The following PHLPP2 variants were observed in gnomAD, a reference collection of about 807,000 sequenced individuals.
PHLPP2 encodes the protein PH domain and leucine rich repeat protein phosphatase 2, also known as PH domain leucine-rich repeat-containing protein phosphatase 2.
A neutral mutation model predicts 124.9 loss-of-function variants in PHLPP2; 66 were observed. The ratio of observed to expected loss-of-function variants is 0.53; its 90% CI spans 0.43 to 0.65. The LOEUF is 0.65. Ranked by LOEUF, PHLPP2 falls within the 30% of genes least tolerant of loss-of-function variation. The pLI, the probability that PHLPP2 is intolerant of heterozygous loss-of-function variation, is 0.00. For synonymous variants in PHLPP2, 681 were observed against 624.7 expected (o/e 1.09, Z -1.34); for missense variants, 1,685 against 1,600.4 (o/e 1.05, Z -0.90).
chr16:71,650,371 A>G (rs917991302), intron 18 of PHLPP2, among the ~76,000 whole-genome samples: 14 of 152,250 alleles, frequency 9.2e-5, no homozygotes, highest in African/African-American at 3.4e-4. Flanking sequence ...CAGAACTATC[A>G]TTAATTCTCT....
At chr16:71,704,993 T>C (rs1488241206) in intron 2 of PHLPP2, among the ~76,000 whole-genome samples, 1 of 152,192 alleles carries the variant, frequency 6.6e-6, no homozygotes, top group Non-Finnish European at 1.5e-5. Context: ...AACTCTGTAC[T>C]GCTCCAAAGA....
At position 71,678,783 on chromosome 16, in the gene PHLPP2, T is replaced by C. The variant is rs1269453395; in HGVS notation, c.1240A>G (p.Met414Val). 1.2e-6 allele frequency: 2 copies of C among 1,602,156 alleles called. No homozygotes were observed. The highest frequency in any genetic ancestry group is 2.7e-5 in the African/African-American group (2 of 74,692). The stretch of plus-strand genomic sequence containing the variant: ...AAATCCACATGCTTGATATGGTTCA[T>C]CCTATTCAGCACCCCTAAGTTCAGG... ...EVLNLGVLNRMNHIKHVDLRM... is the reference protein window; with the variant it reads ...EVLNLGVLNRVNHIKHVDLRM... The change falls in exon 8 of 19, where the codon ATG becomes GTG. Residue 414 changes from methionine to valine, a missense_variant. By Grantham distance (21) the Met-to-Val change is conservative. Transcript: ENST00000568954.
chr16:71,664,232 A>T, intron 12 of PHLPP2, 133 bp from the exon 13 acceptor site: 1 of 663,176 alleles, frequency 1.5e-6, no homozygotes, highest in South Asian at 1.9e-5. Flanking sequence ...AAAAATCTCC[A>T]CGTAGTTTTT....
intron 3 of PHLPP2, 68 bp from the exon 4 acceptor site, chr16:71,690,777 A>G: frequency 9.0e-7 from 1 of 1,108,010 alleles, no homozygotes; most frequent in Non-Finnish European, 1.3e-6. Context: ...TGGAAAAAGA[A>G]AGCATTGTGT....
intron 2 of PHLPP2, among the ~76,000 whole-genome samples, chr16:71,711,503 A>G (rs965384851): frequency 3.3e-5 from 5 of 152,222 alleles, no homozygotes; most frequent in East Asian, 3.8e-4. Context: ...CAGACGTAGT[A>G]TAAGAATGCC....
chr16:71,706,356 C>T (rs1457585797), intron 2 of PHLPP2, among the ~76,000 whole-genome samples: 1 of 152,190 alleles, frequency 6.6e-6, no homozygotes, highest in Admixed American at 6.5e-5. Flanking sequence ...TAAGCAGTCC[C>T]TATAGTTAAG....
intron 1 of PHLPP2, chr16:71,715,082 T>G (rs2145384596): frequency 2.4e-6 from 1 of 413,852 alleles, no homozygotes; most frequent in African/African-American, 2.0e-5. Flanking sequence ...CGGGTTGCAG[T>G]GGCTCAGGCC....
intron 16 of PHLPP2, 69 bp from the exon 17 acceptor site, chr16:71,655,503 CT>C (rs1224203746): frequency 0.2 from 158,121 of 771,790 alleles, no homozygotes; most frequent in South Asian, 0.25. Context: ...AGGGAGCATT[CT>C]TTTTTTTTTT....
intron 14 of PHLPP2, 83 bp downstream of exon 14, chr16:71,658,570 T>C (rs2044761106): frequency 7.0e-7 from 1 of 1,419,132 alleles, no homozygotes; most frequent in African/African-American, 1.4e-5. Context: ...ACTCCTTTCT[T>C]CTTCTTTATA....
chr16:71,677,480 A>C (rs2044957684), intron 8 of PHLPP2: 1 of 93,144 alleles, frequency 1.1e-5, no homozygotes, highest in South Asian at 4.0e-4. Flanking sequence ...ATATATATAT[A>C]TATATATATA....
chr16:71,680,242 A>T (rs1378925329), intron 6 of PHLPP2, among the ~76,000 whole-genome samples: 4 of 152,164 alleles, frequency 2.6e-5, no homozygotes, highest in African/African-American at 9.7e-5. Flanking sequence ...CAACTCATAG[A>T]CAGAGCAATA....
chr16:71,660,236 T>C (rs1019765286), intron 13 of PHLPP2, among the ~76,000 whole-genome samples: 15 of 151,686 alleles, frequency 9.9e-5, no homozygotes, highest in Admixed American at 2.6e-4. Flanking sequence ...GCCAGGTAGG[T>C]GTGGTGGCTC....
chr16:71,668,129 T>C (rs1285039710), intron 11 of PHLPP2, among the ~76,000 whole-genome samples: 1 of 152,082 alleles, frequency 6.6e-6, no homozygotes. Flanking sequence ...GTGAAGGCTC[T>C]GGCCGGGGGT....
At chr16:71,714,410 C>T (rs989041463) in intron 2 of PHLPP2, 102 bp downstream of exon 2, 4 of 1,398,814 alleles carry the variant, frequency 2.9e-6, no homozygotes, top group Non-Finnish European at 3.7e-6. Context: ...CCGTAATCAA[C>T]ATCAGTTCCG....
At chr16:71,662,041 C>T (rs1422633389) in intron 13 of PHLPP2, among the ~76,000 whole-genome samples, 2 of 151,574 alleles carry the variant, frequency 1.3e-5, no homozygotes, top group East Asian at 4.0e-4. Context: ...CCAGAATGGT[C>T]TTGATTTCTT....
chr16:71,679,311 G>C (rs1171579156), intron 7 of PHLPP2, 78 bp downstream of exon 7: 6 of 1,294,562 alleles, frequency 4.6e-6, no homozygotes, highest in African/African-American at 4.4e-5. Flanking sequence ...AAGAGTTCAA[G>C]ATACTACCTT....
At chr16:71,654,105 G>T (rs1421200870) in intron 17 of PHLPP2, among the ~76,000 whole-genome samples, 1 of 146,892 alleles carries the variant, frequency 6.8e-6, no homozygotes, top group African/African-American at 2.5e-5. Flanking sequence ...TGAGGCAGGA[G>T]AATGGCGTGA....
intron 2 of PHLPP2, among the ~76,000 whole-genome samples, chr16:71,712,477 C>T (rs1363284643): frequency 6.6e-6 from 1 of 152,126 alleles, no homozygotes; most frequent in African/African-American, 2.4e-5. Flanking sequence ...TCTTTGTATA[C>T]ATAAACATTA....
chr16:71,719,338 C>T (rs1002385683), intron 1 of PHLPP2, among the ~76,000 whole-genome samples: 3 of 152,118 alleles, frequency 2.0e-5, no homozygotes, highest in Non-Finnish European at 2.9e-5. Flanking sequence ...GAGCTCGAGA[C>T]CAGCCTGGCC....
Sources: gnomAD v4.1 joint callset for allele counts (sites outside exome capture counted in the v4.1 genomes callset) on GRCh38, gnomAD v4.1.1 for gene constraint, MANE v1.5 for transcripts, NCBI Gene and HGNC (gene_info 2026-07-23, HGNC 2026-07-21) for gene names.